The following RAB20 variants were observed in gnomAD, a reference collection of about 807,000 sequenced individuals.
RAB20 encodes the protein ras-related protein Rab-20.
A neutral mutation model predicts 3.7 loss-of-function variants in RAB20; 2 were observed. That is an observed-to-expected ratio of 0.54 (90% CI 0.22 to 1.69). The LOEUF (loss-of-function observed/expected upper bound fraction) is 1.69, where lower values mean the gene tolerates loss of function less well. RAB20 is among the 40% of genes most tolerant of loss of function. The pLI, the probability that RAB20 is intolerant of heterozygous loss-of-function variation, is 0.19. For missense variants in RAB20, 276 were observed against 311.9 expected (o/e 0.88, Z 0.87); for synonymous variants, 126 against 130.8 (o/e 0.96, Z 0.25).
chr13:110,546,612 G>C (rs1884852815), intron 1 of RAB20, among the ~76,000 whole-genome samples: 1 of 152,076 alleles, frequency 6.6e-6, no homozygotes, highest in South Asian at 2.1e-4. Context: ...GCCACTAAGC[G>C]TGTGTCATGG....
intron 1 of RAB20, among the ~76,000 whole-genome samples, chr13:110,526,018 C>T (rs1359337904): frequency 6.6e-6 from 1 of 152,228 alleles, no homozygotes; most frequent in African/African-American, 2.4e-5. Flanking sequence ...GGCACGCTTT[C>T]GAAGAGGAAT....
chr13:110,524,940 G>A (rs1050599553), intron 1 of RAB20, among the ~76,000 whole-genome samples: 2 of 152,216 alleles, frequency 1.3e-5, no homozygotes, highest in Non-Finnish European at 2.9e-5. Context: ...ACAGAGGTGC[G>A]GGCAATTGCA....
rs77513061 is a variant in RAB20, at chr13:110,525,003, G to A, written c.173-806C>T. Among the ~76,000 whole-genome samples the A allele has an allele frequency of 8.5e-3, 1,297 of 152,314 alleles. 23 individuals are homozygous for A. The highest frequency in any genetic ancestry group is 0.03 in the African/African-American group (1,242 of 41,562). On this transcript the variant is annotated intron_variant, in intron 1 of 1. Coordinates refer to ENST00000267328, the MANE Select transcript of RAB20 (RefSeq NM_017817.3). ...ATTTCCAGGTTGAGATCAAACCCTCGGGACACAGCTCAACGTCAACACATT... is the reference window on the plus strand; with the variant it reads ...ATTTCCAGGTTGAGATCAAACCCTCAGGACACAGCTCAACGTCAACACATT...
chr13:110,541,073 G>C (rs1311049029), intron 1 of RAB20, among the ~76,000 whole-genome samples: 10 of 152,152 alleles, frequency 6.6e-5, no homozygotes, highest in African/African-American at 2.2e-4. Context: ...AGGAGGAGAC[G>C]GCCACGCTTC....
chr13:110,528,613 G>A (rs1884475040), intron 1 of RAB20, among the ~76,000 whole-genome samples: 1 of 152,002 alleles, frequency 6.6e-6, no homozygotes, highest in African/African-American at 2.4e-5. Flanking sequence ...GCGGAGTCAG[G>A]GGCACTCCAG....
chr13:110,531,925 T>G (rs1436453137), intron 1 of RAB20, among the ~76,000 whole-genome samples: 4 of 152,182 alleles, frequency 2.6e-5, no homozygotes, highest in Non-Finnish European at 5.9e-5. Context: ...GTAATCCTGA[T>G]TCACTGTTGC....
In RAB20 at chr13:110,524,012, C is replaced by T. The variant is rs368428631; in HGVS notation, c.358G>A (p.Glu120Lys). ...TTCTCCTGGCCCGCCAAGGCCCCCT[C>T]CTCAGTGAGGTCCACTTTGTTCCCC... ...IVGNKVDLTE[E>K]GALAGQEKEE... The change falls in exon 2 of 2, where the codon GAG becomes AAG. Residue 120 changes from glutamate (E) to lysine (K), a missense_variant. Transcript: ENST00000267328. 8 of 1,614,038 alleles carry T rather than the reference C, an allele frequency of 5.0e-6. No individual in the cohort carries two copies. In the Admixed American group the frequency reaches 8.3e-5, roughly 17 times the overall value.
chr13:110,538,631 A>C (rs2139580843), intron 1 of RAB20, among the ~76,000 whole-genome samples: 1 of 151,760 alleles, frequency 6.6e-6, no homozygotes, highest in Non-Finnish European at 1.5e-5. Context: ...AAGAAAAGAA[A>C]AGAAAAGAAA....
chr13:110,546,358 A>G (rs1884849272), intron 1 of RAB20, among the ~76,000 whole-genome samples: 1 of 152,222 alleles, frequency 6.6e-6, no homozygotes, highest in South Asian at 2.1e-4. Flanking sequence ...CAATTGATTC[A>G]TCTAAAAAGA....
intron 1 of RAB20, among the ~76,000 whole-genome samples, chr13:110,537,704 C>CA: frequency 6.8e-6 from 1 of 146,970 alleles, no homozygotes; most frequent in Admixed American, 6.8e-5. Context: ...CCACTATTAA[C>CA]AGCTTTTAGA....
chr13:110,548,836 C>T (rs2139586982), intron 1 of RAB20, among the ~76,000 whole-genome samples: 1 of 152,224 alleles, frequency 6.6e-6, no homozygotes, highest in Non-Finnish European at 1.5e-5. Context: ...GAGGATAACA[C>T]CAAGCACACA....
intron 1 of RAB20, among the ~76,000 whole-genome samples, chr13:110,552,420 G>A (rs1459124289): frequency 6.7e-6 from 1 of 149,774 alleles, no homozygotes; most frequent in African/African-American, 2.5e-5. Context: ...AGGGCCAGGC[G>A]CAGTGGCTCA....
chr13:110,543,138 TTTTTA>T (rs1456167371), intron 1 of RAB20, among the ~76,000 whole-genome samples: 2 of 152,190 alleles, frequency 1.3e-5, no homozygotes, highest in East Asian at 3.8e-4. Context: ...ATTTTATTTT[TTTTTA>T]TTTTTATTTT....
At chr13:110,538,238 CAAAAAAAAAA>C (rs570075617) in intron 1 of RAB20, among the ~76,000 whole-genome samples, 2 of 78,528 alleles carry the variant, frequency 2.5e-5, no homozygotes, top group African/African-American at 9.6e-5. Flanking sequence ...GACCTTGTCT[CAAAAAAAAAA>C]AAAAAAAAGA....
At chr13:110,552,937 C>G (rs1005660068) in intron 1 of RAB20, among the ~76,000 whole-genome samples, 1 of 152,184 alleles carries the variant, frequency 6.6e-6, no homozygotes, top group Non-Finnish European at 1.5e-5. Flanking sequence ...GTGGGCCGAG[C>G]CTCCCAGCGC....
intron 1 of RAB20, among the ~76,000 whole-genome samples, chr13:110,550,155 G>A (rs1566590520): frequency 6.6e-6 from 1 of 152,142 alleles, no homozygotes. Context: ...ACAGGAAGGT[G>A]AAGAAGAACT....
chr13:110,561,629 T>G lies in RAB20; in HGVS notation c.-110A>C, dbSNP rs1217112940. On this transcript the variant is annotated 5_prime_UTR_variant, in exon 1 of 2. Coordinates refer to ENST00000267328, the MANE Select transcript of RAB20 (RefSeq NM_017817.3). ...ACCCCGGACTCGCCGGGACCCGGAT[T>G]CTCGTGAACGCTCCGGGACCTTCGC... 11 of 1,471,166 alleles carry G rather than the reference T, an allele frequency of 7.5e-6. No homozygotes were observed. The highest frequency in any genetic ancestry group is 1.5e-5 in the African/African-American group (1 of 67,366). 91.1% of individuals were successfully genotyped at this position (1,471,166 alleles called of 1,614,324 possible).
At chr13:110,530,219 G>A (rs1481119983) in intron 1 of RAB20, among the ~76,000 whole-genome samples, 7,158 of 57,382 alleles carry the variant, frequency 0.12, 300 homozygotes, top group African/African-American at 0.27. Context: ...GGTCCCACCC[G>A]CCCCACCTCT....
chr13:110,547,922 C>T (rs1430268740), intron 1 of RAB20, among the ~76,000 whole-genome samples: 2 of 152,188 alleles, frequency 1.3e-5, no homozygotes, highest in African/African-American at 4.8e-5. Flanking sequence ...TGTATCTAAA[C>T]ACTTACTTTA....
Sources: gnomAD v4.1 joint callset for allele counts (sites outside exome capture counted in the v4.1 genomes callset) on GRCh38, gnomAD v4.1.1 for gene constraint, MANE v1.5 for transcripts, NCBI Gene and HGNC (gene_info 2026-07-23, HGNC 2026-07-21) for gene names.